Variants in NDUFV2 observed in about 807,000 individuals in gnomAD.
NDUFV2 encodes the protein NADH dehydrogenase [ubiquinone] flavoprotein 2, mitochondrial.
A neutral mutation model predicts 31.6 loss-of-function variants in NDUFV2; 18 were observed. That is an observed-to-expected ratio of 0.57 (90% CI 0.39 to 0.84). The LOEUF (loss-of-function observed/expected upper bound fraction) is 0.84. Among genes scored for constraint, NDUFV2 ranks in the 40% least tolerant of loss-of-function variants. NDUFV2 has a pLI of 0.00. For synonymous variants in NDUFV2, 83 were observed against 99.8 expected (o/e 0.83, Z 1.01); for missense variants, 314 against 303.6 (o/e 1.03, Z -0.26).
At chr18:9,118,451 T>C (rs571582458) in intron 2 of NDUFV2, among the ~76,000 whole-genome samples, 5 of 152,150 alleles carry the variant, frequency 3.3e-5, no homozygotes, top group Non-Finnish European at 4.4e-5. Flanking sequence ...GGCAATATAG[T>C]GGACTTGTGT....
In NDUFV2 at chr18:9,124,856, G is replaced by T; in HGVS notation, c.470-18G>T. On this transcript the variant is annotated intron_variant, in intron 5 of 7. Transcript: ENST00000318388. ...TAAAATATAACCTGGTCCTTAGAGT[G>T]TTTATTTGTATTTTTAGGAATAAAG... The T allele has an allele frequency of 6.2e-7, 1 of 1,601,758 alleles. No individual in the cohort carries two copies. Among genetic ancestry groups the T allele is most frequent in the South Asian group, 1.1e-5 (1 of 90,658 alleles).
intron 2 of NDUFV2, 122 bp from the exon 3 acceptor site, chr18:9,119,204 G>T: frequency 6.5e-6 from 5 of 768,276 alleles, no homozygotes; most frequent in Middle Eastern, 3.5e-4. Flanking sequence ...GGATAGGGTG[G>T]TATATATCAT....
At chr18:9,129,349 T>G (rs1050051878) in intron 7 of NDUFV2, among the ~76,000 whole-genome samples, 3 of 152,248 alleles carry the variant, frequency 2.0e-5, no homozygotes, top group Admixed American at 6.5e-5. Flanking sequence ...CTGCTTTGTC[T>G]ACTTTGTTAT....
chr18:9,120,864 C>A (rs2077930166), intron 4 of NDUFV2, among the ~76,000 whole-genome samples: 1 of 152,010 alleles, frequency 6.6e-6, no homozygotes, highest in Non-Finnish European at 1.5e-5. Context: ...TTGAAAAAAT[C>A]ATATTTTTAG....
At chr18:9,104,680 T>TTC (rs1369955901) in intron 1 of NDUFV2, among the ~76,000 whole-genome samples, 1 of 151,856 alleles carries the variant, frequency 6.6e-6, no homozygotes, top group African/African-American at 2.4e-5. Context: ...CCTTCCTTCC[T>TTC]TCTCTCTCTC....
At chr18:9,119,077 T>A (rs2077915765) in intron 2 of NDUFV2, among the ~76,000 whole-genome samples, 1 of 152,174 alleles carries the variant, frequency 6.6e-6, no homozygotes, top group Admixed American at 6.5e-5. Flanking sequence ...GTTTTTTTGG[T>A]CCTAAAGGTA....
At chr18:9,126,550 T>A (rs2077992357) in intron 6 of NDUFV2, 1 of 391,280 alleles carries the variant, frequency 2.6e-6, no homozygotes. Flanking sequence ...ATATAGGAGT[T>A]ACTTAATTGT....
At position 9,119,343 on chromosome 18, in the gene NDUFV2, G is replaced by A. The variant is rs760147679; in HGVS notation, c.138G>A (p.Glu46=). The A allele has an allele frequency of 6.2e-7, 1 of 1,613,014 alleles. No homozygotes were observed. Among genetic ancestry groups the A allele is most frequent in the Non-Finnish European group, 8.5e-7 (1 of 1,179,122 alleles). Residue 46 remains glutamate (E), a synonymous_variant, in exon 3 of 8, where the codon GAG becomes GAA. Coordinates refer to ENST00000318388, the MANE Select transcript of NDUFV2 (RefSeq NM_021074.5). ...TTGTGTAGCACAGAGATACTCCTGA[G>A]AATAACCCTGATACTCCATTTGATT... is the stretch of plus-strand genomic sequence containing the variant. ...GALFVHRDTP[E]NNPDTPFDFT...
chr18:9,119,513 A>C lies in NDUFV2; in HGVS notation c.223A>C (p.Lys75Gln), dbSNP rs753396575. 1.2e-6 allele frequency: 2 copies of C among 1,613,950 alleles called. No homozygotes were observed. Among genetic ancestry groups the C allele is most frequent in the Non-Finnish European group, 8.5e-7 (1 of 1,179,900 alleles). Residue 75 changes from lysine to glutamine, a missense_variant, in exon 4 of 8, where the codon AAA becomes CAA. Transcript: ENST00000318388. ...TGTAAAAAACTATCCAGAAGGCCAT[A>C]AAGCAGCAGCTGTTCTTCCAGTCCT... ...AIVKNYPEGH[K>Q]AAAVLPVLDL...
In NDUFV2 at chr18:9,126,206, G is replaced by A. The variant is rs185940948; in HGVS notation, c.580-625G>A. On this transcript the variant is annotated intron_variant, in intron 6 of 7. Transcript: ENST00000318388. Reference sequence around the variant, plus strand: ...GTATTCTTTCAGTTAGCAGTAGTTAGATCTTTAGGGATAGATACTAGGCAT... The same window carrying A: ...GTATTCTTTCAGTTAGCAGTAGTTAAATCTTTAGGGATAGATACTAGGCAT... Among the ~76,000 whole-genome samples the A allele has an allele frequency of 4.0e-3, 609 of 152,312 alleles. 15 individuals are homozygous for A. Among genetic ancestry groups the A allele is most frequent in the Admixed American group, 0.037 (562 of 15,294 alleles).
At chr18:9,105,307 CTCA>C (rs1273792789) in intron 1 of NDUFV2, among the ~76,000 whole-genome samples, 1 of 152,194 alleles carries the variant, frequency 6.6e-6, no homozygotes, top group Non-Finnish European at 1.5e-5. Context: ...GGCTTTTCAG[CTCA>C]TCATTGCTTA....
At chr18:9,106,567 ATGTCCCAG>A (rs2077843017) in intron 1 of NDUFV2, among the ~76,000 whole-genome samples, 1 of 152,182 alleles carries the variant, frequency 6.6e-6, no homozygotes, top group South Asian at 2.1e-4. Context: ...TGATTTTGTA[ATGTCCCAG>A]TGTATCTCCA....
chr18:9,128,217 C>G (rs866539921), intron 7 of NDUFV2, among the ~76,000 whole-genome samples: 3 of 152,126 alleles, frequency 2.0e-5, no homozygotes, highest in African/African-American at 7.2e-5. Context: ...GTGATGTGCT[C>G]TTACTCCCGT....
intron 1 of NDUFV2, among the ~76,000 whole-genome samples, chr18:9,107,196 C>T (rs905682467): frequency 3.3e-5 from 5 of 152,208 alleles, no homozygotes; most frequent in Admixed American, 6.5e-5. Context: ...CAGTAGGCCA[C>T]TATTGCAAAC....
At chr18:9,109,721 A>T (rs1404622917) in intron 1 of NDUFV2, among the ~76,000 whole-genome samples, 1 of 152,224 alleles carries the variant, frequency 6.6e-6, no homozygotes, top group Non-Finnish European at 1.5e-5. Context: ...ACTGTCTTTG[A>T]GCCTGAGTTT....
chr18:9,104,039 A>G, intron 1 of NDUFV2: 1 of 998,396 alleles, frequency 1.0e-6, no homozygotes, highest in Non-Finnish European at 1.4e-6. Context: ...ACAATGTAAA[A>G]GTACAGTGTT....
chr18:9,129,040 C>T (rs532860357), intron 7 of NDUFV2, among the ~76,000 whole-genome samples: 28 of 152,266 alleles, frequency 1.8e-4, no homozygotes, highest in African/African-American at 5.8e-4. Flanking sequence ...CAGGCTCAAG[C>T]GATTCTCCTG....
In NDUFV2 at chr18:9,107,631, G is replaced by A. The variant is rs902475076; in HGVS notation, c.54+4834G>A. On this transcript the variant is annotated intron_variant, in intron 1 of 7. Transcript: ENST00000318388. ...ACAGTAGTAAGGGCTGGGTTTATTC[G>A]CAAGTCCTGTTTTGTTTTGTTTTTA... 3.9e-5 allele frequency among the ~76,000 whole-genome samples: 6 copies of A among 152,142 alleles called. No homozygotes were observed. The South Asian group carries it at 6.2e-4, about 16-fold the overall frequency.
chr18:9,114,805 T>C (rs550018698), intron 1 of NDUFV2, among the ~76,000 whole-genome samples: 21 of 152,348 alleles, frequency 1.4e-4, no homozygotes, highest in South Asian at 8.3e-4. Context: ...TTTAGAAATA[T>C]GTCTGTGAAC....
Sources: gnomAD v4.1 joint callset for allele counts (sites outside exome capture counted in the v4.1 genomes callset) on GRCh38, gnomAD v4.1.1 for gene constraint, MANE v1.5 for transcripts, NCBI Gene and HGNC (gene_info 2026-07-23, HGNC 2026-07-21) for gene names.